Variants in IL17RD observed in about 807,000 individuals in gnomAD.
The protein encoded by IL17RD is interleukin 17 receptor D.
IL17RD carries 52 observed loss-of-function variants against 80.5 expected under a neutral mutation model. The observed-to-expected ratio is 0.65, with a 90% CI of 0.52 to 0.81. The LOEUF (loss-of-function observed/expected upper bound fraction) is 0.81. IL17RD is among the 40% of genes least tolerant of loss of function. The probability of loss-of-function intolerance (pLI) is 0.00; values close to 1 mark genes in which losing one functional copy is unlikely to be tolerated. For synonymous variants in IL17RD, 416 were observed against 391.8 expected (o/e 1.06, Z -0.73); for missense variants, 1,024 against 955.1 (o/e 1.07, Z -0.95).
chr3:57,159,287 ACTAT>A (rs1189978069), intron 1 of IL17RD, among the ~76,000 whole-genome samples: 1 of 152,150 alleles, frequency 6.6e-6, no homozygotes, highest in Non-Finnish European at 1.5e-5. Context: ...CTGCAGTAAG[ACTAT>A]CTGTTTCAAT....
intron 1 of IL17RD, chr3:57,164,883 C>G (rs2060335450): frequency 1.7e-6 from 2 of 1,207,150 alleles, no homozygotes; most frequent in African/African-American, 3.2e-5. Flanking sequence ...CCCGCCGCCC[C>G]TCACGCCCGC....
chr3:57,151,875 A>C (rs528282726), intron 1 of IL17RD, among the ~76,000 whole-genome samples: 28 of 152,294 alleles, frequency 1.8e-4, no homozygotes, highest in African/African-American at 6.5e-4. Context: ...CAAACAAACA[A>C]ACAAAAAAGA....
At chr3:57,114,557 G>A (rs985390488) in intron 3 of IL17RD, 135 bp downstream of exon 3, 5 of 717,922 alleles carry the variant, frequency 7.0e-6, no homozygotes, top group African/African-American at 3.6e-5. Context: ...GCAACAAAGT[G>A]TATCTGTGCC....
intron 1 of IL17RD, among the ~76,000 whole-genome samples, chr3:57,150,022 T>C (rs922772226): frequency 2.0e-5 from 3 of 152,224 alleles, no homozygotes; most frequent in African/African-American, 7.2e-5. Flanking sequence ...AAAAATTCCC[T>C]TGTACTGCCC....
intron 1 of IL17RD, among the ~76,000 whole-genome samples, chr3:57,151,686 C>T (rs539634345): frequency 6.6e-6 from 1 of 152,118 alleles, no homozygotes; most frequent in Non-Finnish European, 1.5e-5. Context: ...CTGACTTGTG[C>T]ATTTCAAGAT....
chr3:57,152,253 TCCG>T (rs1162311325), intron 1 of IL17RD, among the ~76,000 whole-genome samples: 1 of 151,958 alleles, frequency 6.6e-6, no homozygotes, highest in Non-Finnish European at 1.5e-5. Context: ...GCCCAGGAGC[TCCG>T]GCCCGCTGGG....
At chr3:57,111,352 CA>C (rs1480107282) in intron 3 of IL17RD, among the ~76,000 whole-genome samples, 6 of 152,160 alleles carry the variant, frequency 3.9e-5, no homozygotes, top group Admixed American at 3.3e-4. Flanking sequence ...GCAACAATTA[CA>C]GCTTCACATT....
chr3:57,105,461 C>T (rs1305356778), intron 7 of IL17RD, among the ~76,000 whole-genome samples: 2 of 143,798 alleles, frequency 1.4e-5, no homozygotes, highest in Admixed American at 7.2e-5. Context: ...CGTTTGAACC[C>T]AGGAGGCGGA....
chr3:57,118,726 G>A (rs1233936671), intron 2 of IL17RD, among the ~76,000 whole-genome samples: 1 of 152,134 alleles, frequency 6.6e-6, no homozygotes, highest in Non-Finnish European at 1.5e-5. Context: ...ACTCCAGTTG[G>A]ACTGGCTTCT....
intron 1 of IL17RD, 149 bp downstream of exon 1, chr3:57,165,012 A>T (rs890975444): frequency 7.5e-7 from 1 of 1,340,334 alleles, no homozygotes; most frequent in East Asian, 3.2e-5. Flanking sequence ...GGAAACCAGG[A>T]GGATGCGCGG....
chr3:57,154,222 C>G, intron 1 of IL17RD, among the ~76,000 whole-genome samples: 1 of 149,556 alleles, frequency 6.7e-6, no homozygotes, highest in South Asian at 2.1e-4. Context: ...GCACTTCGGC[C>G]TGAGTGACAG....
intron 12 of IL17RD, among the ~76,000 whole-genome samples, chr3:57,096,925 G>A (rs1343733520): frequency 5.9e-5 from 9 of 151,440 alleles, no homozygotes; most frequent in Admixed American, 2.0e-4. Flanking sequence ...CAGAAGAATC[G>A]CTTGAACCCA....
intron 1 of IL17RD, among the ~76,000 whole-genome samples, chr3:57,159,945 A>T (rs999164223): frequency 2.0e-5 from 3 of 152,146 alleles, no homozygotes; most frequent in Non-Finnish European, 4.4e-5. Flanking sequence ...GCCAAGGTGG[A>T]CAGATCATCT....
At chr3:57,111,067 C>T (rs952885164) in intron 3 of IL17RD, among the ~76,000 whole-genome samples, 4 of 152,206 alleles carry the variant, frequency 2.6e-5, no homozygotes, top group Non-Finnish European at 5.9e-5. Context: ...GCGCCAGCAC[C>T]GGGTTTGTGT....
rs1399451958 is a variant in IL17RD at position 57,092,201 on chromosome 3, T to C, written c.*4192A>G. 6.6e-6 allele frequency: 1 copy of C among 152,668 alleles called. No homozygotes were observed. The highest frequency in any genetic ancestry group is 6.5e-5 in the Admixed American group (1 of 15,288). The allele number at this position is 152,668 out of a possible 1,614,324, so 9.5% of individuals were successfully genotyped here. On this transcript the variant is annotated 3_prime_UTR_variant, in exon 13 of 13. Transcript: ENST00000296318. ...CTACAACTGCCTGCTTTCCTAATCATGTCTTGGCCTATGCTCAGAATTGCA... is the reference window on the plus strand; with the variant it reads ...CTACAACTGCCTGCTTTCCTAATCACGTCTTGGCCTATGCTCAGAATTGCA...
intron 1 of IL17RD, among the ~76,000 whole-genome samples, chr3:57,141,873 AG>A (rs1473935452): frequency 1.3e-5 from 2 of 152,216 alleles, no homozygotes; most frequent in Non-Finnish European, 2.9e-5. Context: ...CTTCCACCGC[AG>A]GCCTTGGGCT....
Position 57,114,787 on chromosome 3 carries a change from T to C in IL17RD, c.215A>G (p.Lys72Arg), listed in dbSNP as rs1328646790. 4.3e-6 allele frequency: 7 copies of C among 1,610,282 alleles called. No individual in the cohort carries two copies. The South Asian group carries it at 7.7e-5, about 18-fold the overall frequency. The change falls in exon 3 of 13, where the codon AAG becomes AGG. Residue 72 changes from lysine to arginine, a missense_variant. Physicochemically the swap from Lys to Arg is conservative, Grantham distance 26. Transcript: ENST00000296318. The part of the protein sequence containing the change: ...NCTTYLNPVG[K>R]HVIADAQNIT... Reference sequence around the variant, plus strand: ...ATTCTGGGCGTCAGCAATCACATGCTTCCCCACTGGATTCAAGTAGGTGGT... The same window carrying C: ...ATTCTGGGCGTCAGCAATCACATGCCTCCCCACTGGATTCAAGTAGGTGGT...
intron 1 of IL17RD, among the ~76,000 whole-genome samples, chr3:57,149,784 A>G (rs1265269484): frequency 6.6e-6 from 1 of 152,212 alleles, no homozygotes; most frequent in Admixed American, 6.5e-5. Flanking sequence ...TGCCTCTGCA[A>G]TAACAGGTGA....
chr3:57,120,218 A>C (rs760381891), intron 2 of IL17RD, 38 bp downstream of exon 2: 9 of 1,501,326 alleles, frequency 6.0e-6, no homozygotes. Flanking sequence ...AGATGACTCA[A>C]AGGGCTCCAT....
Sources: allele counts gnomAD v4.1 joint callset (sites outside exome capture counted in the v4.1 genomes callset), GRCh38; gene constraint gnomAD v4.1.1; transcripts MANE v1.5; gene names NCBI Gene and HGNC (gene_info 2026-07-23, HGNC 2026-07-21).